PRIMA1: variants seen among roughly 807,000 people sequenced by gnomAD.
PRIMA1 encodes the protein proline rich membrane anchor 1.
A neutral mutation model predicts 17.5 loss-of-function variants in PRIMA1; 7 were observed. That is an observed-to-expected ratio of 0.40 (90% CI 0.23 to 0.75). The LOEUF is 0.75. Among genes scored for constraint, PRIMA1 ranks in the 30% least tolerant of loss-of-function variants. The pLI, the probability that PRIMA1 is intolerant of heterozygous loss-of-function variation, is 0.37. For synonymous variants in PRIMA1, 97 were observed against 77.9 expected (o/e 1.25, Z -1.29); for missense variants, 200 against 201.8 (o/e 0.99, Z 0.05).
chr14:93,748,208 C>A (rs922451775), intron 3 of PRIMA1, among the ~76,000 whole-genome samples: 1 of 152,038 alleles, frequency 6.6e-6, no homozygotes, highest in South Asian at 2.1e-4. Context: ...GGCCTGTGCC[C>A]GGTGTGTGTG....
chr14:93,737,354 A>G lies in PRIMA1; in HGVS notation c.246T>C (p.Ser82=), dbSNP rs1011574245. The change falls in exon 4 of 5, where the codon TCT becomes TCC. Residue 82 remains serine, a synonymous_variant. Transcript: ENST00000393140. ...ACCACCAGCTTTCCTCAGTGGGGCA[A>G]GAGGTAGAGTTGGGAGCTGAAAAAG... ...LLSAPAPNST[S]CPTEESWWSG... 1 of 1,613,934 alleles carries G rather than the reference A, an allele frequency of 6.2e-7. No individual in the cohort carries two copies. Among genetic ancestry groups the G allele is most frequent in the African/African-American group, 1.3e-5 (1 of 74,932 alleles).
At chr14:93,756,554 C>G (rs1307087805) in intron 3 of PRIMA1, among the ~76,000 whole-genome samples, 4 of 152,128 alleles carry the variant, frequency 2.6e-5, no homozygotes, top group Non-Finnish European at 5.9e-5. Context: ...CGCCCCGGCC[C>G]TATCGATGCT....
intron 3 of PRIMA1, among the ~76,000 whole-genome samples, chr14:93,778,567 T>C (rs549100133): frequency 2.6e-4 from 39 of 152,344 alleles, no homozygotes; most frequent in African/African-American, 8.7e-4. Context: ...GGAGAGACCT[T>C]ATCAAGTAGC....
At chr14:93,748,942 G>A (rs2076243948) in intron 3 of PRIMA1, among the ~76,000 whole-genome samples, 1 of 152,184 alleles carries the variant, frequency 6.6e-6, no homozygotes, top group Admixed American at 6.5e-5. Flanking sequence ...GGGTCTGGGT[G>A]GAGGCTGGGG....
intron 2 of PRIMA1, among the ~76,000 whole-genome samples, chr14:93,780,662 G>C (rs1350148587): frequency 6.6e-6 from 1 of 152,190 alleles, no homozygotes; most frequent in African/African-American, 2.4e-5. Flanking sequence ...AATTTTGCAG[G>C]TGGAGCTGGG....
At chr14:93,775,203 G>A (rs2141190528) in intron 3 of PRIMA1, among the ~76,000 whole-genome samples, 1 of 152,350 alleles carries the variant, frequency 6.6e-6, no homozygotes. Flanking sequence ...GACAAGGACT[G>A]GCACATGCCT....
rs747060512 is a variant in PRIMA1, at chr14:93,726,034, A to G, written c.360-4488T>C. The G allele has an allele frequency of 4.4e-6, 2 of 456,550 alleles. No individual in the cohort carries two copies. The highest frequency in any genetic ancestry group is 3.1e-5 in the South Asian group (2 of 64,556). The allele number at this position is 456,550 out of a possible 1,614,324, so 28.3% of individuals were successfully genotyped here. A position where few individuals can be genotyped will look rare whatever the true frequency, so the allele number is the denominator to read the frequency against. On this transcript the variant is annotated intron_variant, in intron 4 of 4. Coordinates refer to ENST00000393140, the MANE Select transcript of PRIMA1 (RefSeq NM_178013.4). This position sits in a 1 kb window ranked among gnomAD's most constrained non-coding sequence, Gnocchi z 4.2. ...AGAAACCAAGAGAGAGGTTAGTGAG[A>G]CTTTCCTTGGCGGCACCCAGGATTC... is the stretch of plus-strand genomic sequence containing the variant.
intron 4 of PRIMA1, chr14:93,725,833 T>C: frequency 2.4e-6 from 1 of 410,672 alleles, no homozygotes; most frequent in Non-Finnish European, 4.9e-6. Context: ...ACAGACTTCC[T>C]ACCTAACGCG....
At chr14:93,752,422 C>T (rs914752248) in intron 3 of PRIMA1, among the ~76,000 whole-genome samples, 3 of 152,314 alleles carry the variant, frequency 2.0e-5, no homozygotes, top group African/African-American at 4.8e-5. Context: ...CAACCCCACG[C>T]GGGGCCCCTC....
intron 4 of PRIMA1, chr14:93,725,794 C>T: frequency 2.8e-6 from 1 of 361,884 alleles, no homozygotes; most frequent in East Asian, 7.4e-5. Flanking sequence ...GCCCCACCGG[C>T]TGGCAGCAGC....
At chr14:93,773,314 G>A (rs1885120454) in intron 3 of PRIMA1, among the ~76,000 whole-genome samples, 1 of 152,258 alleles carries the variant, frequency 6.6e-6, no homozygotes, top group East Asian at 1.9e-4. Context: ...AGGAGTGAAA[G>A]GGCTGGGGCT....
chr14:93,770,899 C>T (rs551866143), intron 3 of PRIMA1, among the ~76,000 whole-genome samples: 35 of 152,260 alleles, frequency 2.3e-4, no homozygotes, highest in African/African-American at 7.7e-4. Flanking sequence ...ATGCCAGGCA[C>T]GTGCTAAATA....
At position 93,719,753 on chromosome 14, in the gene PRIMA1, G is replaced by A. The variant is rs1295768982; in HGVS notation, c.*1691C>T. 1.3e-5 allele frequency: 2 copies of A among 152,424 alleles called. No individual in the cohort carries two copies. The highest frequency in any genetic ancestry group is 2.9e-5 in the Non-Finnish European group (2 of 68,198). The allele number at this position is 152,424 out of a possible 1,614,324, so 9.4% of individuals were successfully genotyped here. On this transcript the variant is annotated 3_prime_UTR_variant, in exon 5 of 5. Transcript: ENST00000393140. ...CAGGAGCAGGGGGTGGCACTATGCTGATGCCCAGGTGTCCAGGGGAAGCAA... is the reference window on the plus strand; with the variant it reads ...CAGGAGCAGGGGGTGGCACTATGCTAATGCCCAGGTGTCCAGGGGAAGCAA...
intron 3 of PRIMA1, 104 bp downstream of exon 3, chr14:93,779,072 A>C: frequency 1.2e-6 from 1 of 841,688 alleles, no homozygotes; most frequent in Non-Finnish European, 1.8e-6. Flanking sequence ...GGCCAGTGGA[A>C]AATTACCAAG....
At chr14:93,787,826 G>T in intron 1 of PRIMA1, 77 bp from the exon 2 acceptor site, 3 of 1,464,772 alleles carry the variant, frequency 2.0e-6, no homozygotes, top group Non-Finnish European at 2.7e-6. Context: ...ATACCTCCCA[G>T]CCCGGGTCGG....
intron 2 of PRIMA1, among the ~76,000 whole-genome samples, chr14:93,779,813 C>A (rs551181800): frequency 6.6e-6 from 1 of 152,190 alleles, no homozygotes; most frequent in South Asian, 2.1e-4. Context: ...TGGGGCAAGG[C>A]CCCCCTCTCT....
chr14:93,748,046 G>GT (rs2076235854), intron 3 of PRIMA1, among the ~76,000 whole-genome samples: 1 of 92,854 alleles, frequency 1.1e-5, no homozygotes, highest in Non-Finnish European at 2.5e-5. Context: ...GGGAGTGTGT[G>GT]AGTGTGTGTA....
At chr14:93,780,345 G>T (rs149573593) in intron 2 of PRIMA1, among the ~76,000 whole-genome samples, 1 of 152,218 alleles carries the variant, frequency 6.6e-6, no homozygotes, top group Non-Finnish European at 1.5e-5. Context: ...CTGTGAGCTC[G>T]CTGAGGGCAG....
chr14:93,732,620 TG>T, intron 4 of PRIMA1, among the ~76,000 whole-genome samples: 1 of 152,242 alleles, frequency 6.6e-6, no homozygotes, highest in South Asian at 2.1e-4. Flanking sequence ...GCCTGGCACC[TG>T]GTCCTGGCAC....
Sources: gnomAD v4.1 joint callset for allele counts (sites outside exome capture counted in the v4.1 genomes callset) on GRCh38, gnomAD v4.1.1 for gene constraint, Gnocchi (gnomAD v3.1) non-coding constraint, MANE v1.5 for transcripts, NCBI Gene and HGNC (gene_info 2026-07-23, HGNC 2026-07-21) for gene names.